The following DAB1 variants were observed in gnomAD, a reference collection of about 807,000 sequenced individuals.
DAB1 encodes disabled homolog 1.
In DAB1, 15 loss-of-function variants were observed where a neutral mutation model predicts 64.6. That is an observed-to-expected ratio of 0.23 (90% CI 0.16 to 0.36). The LOEUF (loss-of-function observed/expected upper bound fraction) is 0.36. Among genes scored for constraint, DAB1 ranks in the 10% least tolerant of loss-of-function variants. The probability of loss-of-function intolerance (pLI) is 1.00; values close to 1 mark genes in which losing one functional copy is unlikely to be tolerated. For synonymous variants in DAB1, 235 were observed against 251.9 expected, an observed-to-expected ratio of 0.93 and a Z score of 0.64; for missense variants, 596 against 706.7, an observed-to-expected ratio of 0.84 and a Z score of 1.78.
chr1:57,040,591 T>C (rs181634235), intron 9 of DAB1, among the ~76,000 whole-genome samples: 214 of 152,334 alleles, frequency 1.4e-3, no homozygotes, highest in African/African-American at 4.9e-3. Context: ...CAAGATGGCA[T>C]TGCTACTTTA....
chr1:57,017,702 G>A (rs376985036), intron 11 of DAB1, among the ~76,000 whole-genome samples: 14 of 152,316 alleles, frequency 9.2e-5, no homozygotes, highest in East Asian at 5.8e-4. Flanking sequence ...AGAATATCTT[G>A]TAAGACCACT....
chr1:57,283,489 C>T (rs1284516490), intron 2 of DAB1, among the ~76,000 whole-genome samples: 1 of 152,102 alleles, frequency 6.6e-6, no homozygotes, highest in East Asian at 1.9e-4. Flanking sequence ...AGTTTCAATG[C>T]TAGGTTTTTT....
At chr1:57,494,324 C>G (rs898757693) in intron 7 of DAB1, among the ~76,000 whole-genome samples, 7 of 151,938 alleles carry the variant, frequency 4.6e-5, no homozygotes, top group African/African-American at 1.7e-4. Flanking sequence ...GGGCTTGACA[C>G]AGTCAGTGAA....
At chr1:58,082,675 T>C (rs922308389) in intron 5 of DAB1, among the ~76,000 whole-genome samples, 2 of 151,626 alleles carry the variant, frequency 1.3e-5, no homozygotes, top group Non-Finnish European at 2.9e-5. Context: ...GGGGAGATCG[T>C]CAAAGGAAAA....
chr1:57,778,139 T>C (rs1649901859), intron 6 of DAB1, among the ~76,000 whole-genome samples: 2 of 152,128 alleles, frequency 1.3e-5, no homozygotes, highest in South Asian at 4.1e-4. Context: ...CTAAGTGGGC[T>C]TCTGCCGTAT....
intron 6 of DAB1, among the ~76,000 whole-genome samples, chr1:57,700,357 G>T (rs901514817): frequency 6.6e-6 from 1 of 152,108 alleles, no homozygotes; most frequent in Non-Finnish European, 1.5e-5. Context: ...CATCCTTCCA[G>T]GATAGAGAAC....
At position 57,449,280 on chromosome 1, in the gene DAB1, CA is replaced by C. The variant is rs1384714426; in HGVS notation, n.626-158115del. Among the ~76,000 whole-genome samples the C allele has an allele frequency of 3.3e-5, 5 of 151,444 alleles. 1 individual carries two copies. Among genetic ancestry groups the C allele is most frequent in the South Asian group, 4.2e-4 (2 of 4,798 alleles). On this transcript the variant is annotated intron_variant and non_coding_transcript_variant, in intron 7 of 20. Coordinates refer to the DAB1 transcript ENST00000485760. ...TGCAAATATGACATTGAAATAGTGA[CA>C]AAAAACAAAGAAACTCTGGGTGTGT...
intron 6 of DAB1, among the ~76,000 whole-genome samples, chr1:57,773,111 T>C (rs1365875527): frequency 1.3e-5 from 2 of 152,048 alleles, no homozygotes; most frequent in African/African-American, 2.4e-5. Flanking sequence ...GCCCTACTGA[T>C]ACCTTAATTT....
At chr1:57,925,949 G>T (rs1202760) in intron 5 of DAB1, among the ~76,000 whole-genome samples, 23,791 of 152,118 alleles carry the variant, frequency 0.16, 2,700 homozygotes, top group African/African-American at 0.32. Context: ...CCTTGGACAG[G>T]GGCTAGCTGA....
intron 6 of DAB1, among the ~76,000 whole-genome samples, chr1:57,744,010 G>A (rs889770893): frequency 1.3e-5 from 2 of 152,318 alleles, no homozygotes; most frequent in African/African-American, 2.4e-5. Context: ...CGCCCTGGGC[G>A]GGCCAGGTGT....
intron 5 of DAB1, among the ~76,000 whole-genome samples, chr1:58,085,197 C>CT (rs1269657356): frequency 1.3e-5 from 2 of 152,168 alleles, no homozygotes; most frequent in Non-Finnish European, 2.9e-5. Flanking sequence ...GGAATTGGAT[C>CT]TATACCCAAT....
chr1:57,312,340 A>G (rs964817424), intron 1 of DAB1, among the ~76,000 whole-genome samples: 5 of 151,536 alleles, frequency 3.3e-5, no homozygotes, highest in African/African-American at 7.3e-5. Context: ...ACCTCTTCCT[A>G]ATGATAAACT....
intron 5 of DAB1, among the ~76,000 whole-genome samples, chr1:58,045,698 A>G (rs75669360): frequency 0.021 from 3,249 of 152,098 alleles, 96 homozygotes; most frequent in African/African-American, 0.071. Context: ...GTAGAAATCC[A>G]TACTCACTCA....
At chr1:57,744,972 T>TA (rs1370075919) in intron 6 of DAB1, among the ~76,000 whole-genome samples, 2 of 152,222 alleles carry the variant, frequency 1.3e-5, no homozygotes, top group Non-Finnish European at 2.9e-5. Context: ...TAAGGAGCAC[T>TA]AGTCTCACAT....
At chr1:58,251,309 G>C (rs2100405434) in intron 4 of DAB1, among the ~76,000 whole-genome samples, 1 of 152,306 alleles carries the variant, frequency 6.6e-6, no homozygotes, top group African/African-American at 2.4e-5. Flanking sequence ...ACATTCAAAA[G>C]AACACAGACA....
intron 7 of DAB1, among the ~76,000 whole-genome samples, chr1:57,641,647 G>A (rs1646131814): frequency 6.6e-6 from 1 of 151,764 alleles, no homozygotes; most frequent in Non-Finnish European, 1.5e-5. Flanking sequence ...GTCTCCCAAA[G>A]TGCTGGTTCC....
At chr1:58,267,207 T>C (rs1661190413) in intron 4 of DAB1, among the ~76,000 whole-genome samples, 1 of 152,176 alleles carries the variant, frequency 6.6e-6, no homozygotes, top group South Asian at 2.1e-4. Flanking sequence ...GCGGCAGAGC[T>C]AGACTCCATC....
intron 7 of DAB1, among the ~76,000 whole-genome samples, chr1:57,470,312 C>T (rs559452467): frequency 2.0e-5 from 3 of 152,336 alleles, no homozygotes; most frequent in Admixed American, 2.0e-4. Context: ...TTTGCAACTG[C>T]AGCTTTTCAC....
At chr1:58,167,564 C>A (rs936751068) in intron 4 of DAB1, among the ~76,000 whole-genome samples, 3 of 152,238 alleles carry the variant, frequency 2.0e-5, no homozygotes, top group African/African-American at 4.8e-5. Context: ...CCCAAGCCAG[C>A]AGTGGCAACC....
Sources: gnomAD v4.1 joint callset for allele counts (sites outside exome capture counted in the v4.1 genomes callset) on GRCh38, gnomAD v4.1.1 for gene constraint, MANE v1.5 for transcripts, NCBI Gene and HGNC (gene_info 2026-07-23, HGNC 2026-07-21) for gene names.